Variants in RBM45 observed in about 807,000 individuals in gnomAD.
The protein encoded by RBM45 is RNA-binding protein 45.
In RBM45, 39 loss-of-function variants were observed where a neutral mutation model predicts 58.5. That is an observed-to-expected ratio of 0.67 (90% confidence interval 0.52 to 0.87). The LOEUF is 0.87. Ranked by LOEUF, RBM45 falls within the 40% of genes least tolerant of loss-of-function variation. The probability of loss-of-function intolerance (pLI) is 0.00; values close to 1 mark genes in which losing one functional copy is unlikely to be tolerated. For missense variants in RBM45, 481 were observed against 581.6 expected (o/e 0.83, Z 1.78); for synonymous variants, 193 against 203.0 (o/e 0.95, Z 0.42).
At chr2:178,117,381 A>G (rs1163394866) in intron 2 of RBM45, among the ~76,000 whole-genome samples, 1 of 152,176 alleles carries the variant, frequency 6.6e-6, no homozygotes, top group South Asian at 2.1e-4. Context: ...ATAAGAATTT[A>G]TAAAATAAAT....
chr2:178,116,112 A>T, intron 1 of RBM45, 150 bp from the exon 2 acceptor site: 2 of 912,036 alleles, frequency 2.2e-6, no homozygotes, highest in Non-Finnish European at 3.1e-6. Flanking sequence ...TGATCACACC[A>T]CTGCACTGCA....
At chr2:178,120,514 G>T in intron 4 of RBM45, 105 bp downstream of exon 4, 1 of 1,026,202 alleles carries the variant, frequency 9.7e-7, no homozygotes, top group Non-Finnish European at 1.4e-6. Flanking sequence ...TTCACCTAGT[G>T]AATAAAAATC....
In RBM45 at chr2:178,125,975, T is replaced by G; in HGVS notation, c.1233-9T>G. 1 of 1,609,160 alleles carries G rather than the reference T, an allele frequency of 6.2e-7. No individual in the cohort carries two copies. The highest frequency in any genetic ancestry group is 8.5e-7 in the Non-Finnish European group (1 of 1,176,684). ...ATTTTGGTTGATTATTTTTTTCACT[T>G]TGTTTCAGTCGTTTTGGTAACCTGA... On this transcript the variant is annotated splice_polypyrimidine_tract_variant and intron_variant, in intron 8 of 9. Transcript: ENST00000286070.
chr2:178,132,325 G>T (rs1042029709), downstream of RBM45, among the ~76,000 whole-genome samples: 2 of 152,134 alleles, frequency 1.3e-5, no homozygotes, highest in African/African-American at 4.8e-5. Context: ...AGTTTCACAG[G>T]TTTCATCTAC....
chr2:178,124,415 C>T (rs2087898992), intron 8 of RBM45, 125 bp downstream of exon 8: 4 of 497,468 alleles, frequency 8.0e-6, no homozygotes, highest in Middle Eastern at 1.1e-3. Context: ...CTTTTAAAAC[C>T]TCCTTATTTG....
chr2:178,125,659 G>A (rs78473264), intron 8 of RBM45: 16,340 of 497,920 alleles, frequency 0.033, 373 homozygotes, highest in Non-Finnish European at 0.044. Flanking sequence ...GCTGCTGAGG[G>A]GACTTTTAGG....
Position 178,116,253 on chromosome 2 carries a change from G to T in RBM45, c.301-9G>T. The T allele has an allele frequency of 1.9e-6, 3 of 1,550,170 alleles. No individual in the cohort carries two copies. The highest frequency in any genetic ancestry group is 2.2e-5 in the Admixed American group (1 of 45,240). On this transcript the variant is annotated splice_polypyrimidine_tract_variant and intron_variant, in intron 1 of 9. Coordinates refer to ENST00000286070, the MANE Select transcript of RBM45 (RefSeq NM_152945.4). ...TTATTTTATTTTGGGAGTTTTGTTT[G>T]TTTCTTAGGTTTTCATTGCTCAGTC...
downstream of RBM45, among the ~76,000 whole-genome samples, chr2:178,132,580 TTTTG>T (rs138416648): frequency 2.4e-4 from 36 of 151,778 alleles, no homozygotes; most frequent in South Asian, 8.4e-4. Flanking sequence ...TGCGGTTCTT[TTTTG>T]TTTGTTTGTT....
intron 3 of RBM45, 119 bp from the exon 4 acceptor site, chr2:178,120,168 T>G: frequency 1.6e-6 from 2 of 1,281,626 alleles, no homozygotes; most frequent in Non-Finnish European, 2.2e-6. Flanking sequence ...AGATGGCCAT[T>G]GTATAGATTT....
chr2:178,121,758 T>TG (rs1159240520), intron 5 of RBM45, among the ~76,000 whole-genome samples: 6 of 152,298 alleles, frequency 3.9e-5, no homozygotes, highest in Admixed American at 3.9e-4. Flanking sequence ...TCCTCCTCAT[T>TG]CATCCCTAGA....
intron 1 of RBM45, 34 bp from the exon 2 acceptor site, chr2:178,116,228 T>A: frequency 6.5e-7 from 1 of 1,538,014 alleles, no homozygotes; most frequent in Non-Finnish European, 8.7e-7. Flanking sequence ...ATAGTTGACA[T>A]TATTTTATTT....
chr2:178,112,488 C>T lies in RBM45; in HGVS notation c.-59C>T. On this transcript the variant is annotated 5_prime_UTR_variant, in exon 1 of 10. Coordinates refer to ENST00000286070, the MANE Select transcript of RBM45 (RefSeq NM_152945.4). The stretch of plus-strand genomic sequence containing the variant: ...CAAAGGCTTGGGTGTGAGACAGCAG[C>T]GGTGGCAGACACCGCAGAAGCAAAG... 3 of 1,474,394 alleles carry T rather than the reference C, an allele frequency of 2.0e-6. No individual in the cohort carries two copies. Among genetic ancestry groups the T allele is most frequent in the Non-Finnish European group, 1.9e-6 (2 of 1,072,390 alleles). The allele number at this position is 1,474,394 out of a possible 1,614,324, so 91.3% of individuals were successfully genotyped here.
intron 2 of RBM45, among the ~76,000 whole-genome samples, chr2:178,117,605 T>C (rs2087793697): frequency 6.6e-6 from 1 of 152,340 alleles, no homozygotes; most frequent in East Asian, 1.9e-4. Context: ...CCAAGCCCCA[T>C]GTAAGCACTT....
chr2:178,132,980 GT>G (rs1457342790), downstream of RBM45, among the ~76,000 whole-genome samples: 12 of 152,160 alleles, frequency 7.9e-5, no homozygotes, highest in Admixed American at 7.9e-4. Context: ...TTTGGGGTGA[GT>G]TTTTGAACAA....
At chr2:178,123,468 C>T (rs2087883620) in intron 5 of RBM45, 54 bp from the exon 6 acceptor site, 5 of 1,512,634 alleles carry the variant, frequency 3.3e-6, no homozygotes, top group African/African-American at 1.4e-5. Context: ...GTAACATAGG[C>T]CTTAGGCACT....
At chr2:178,129,248 G>C (rs1393610484) in intron 9 of RBM45, 149 bp from the exon 10 acceptor site, 1 of 152,144 alleles carries the variant, frequency 6.6e-6, no homozygotes, top group Non-Finnish European at 1.5e-5. Context: ...AGTAAGTTTG[G>C]TTTTATTTGG....
At chr2:178,123,131 C>T (rs2087878070) in intron 5 of RBM45, among the ~76,000 whole-genome samples, 2 of 152,166 alleles carry the variant, frequency 1.3e-5, no homozygotes, top group Admixed American at 6.5e-5. Context: ...TATCACTTCT[C>T]ATTTCATTTC....
chr2:178,138,348 G>A (rs1005702341), exon 4 of RBM45: 4 of 152,058 alleles, frequency 2.6e-5, no homozygotes, highest in African/African-American at 9.7e-5. Context: ...TAAGAGAAAA[G>A]GTGCAGATCA....
At chr2:178,116,149 C>G in intron 1 of RBM45, 113 bp from the exon 2 acceptor site, 1 of 1,318,196 alleles carries the variant, frequency 7.6e-7, no homozygotes, top group Non-Finnish European at 1.0e-6. Context: ...CTTTGAGACC[C>G]TGTCTCAAAG....
Sources: allele counts gnomAD v4.1 joint callset (sites outside exome capture counted in the v4.1 genomes callset), GRCh38; gene constraint gnomAD v4.1.1; transcripts MANE v1.5; gene names NCBI Gene and HGNC (gene_info 2026-07-23, HGNC 2026-07-21).